DIPK1A: variants seen among roughly 807,000 people sequenced by gnomAD.
The protein encoded by DIPK1A is divergent protein kinase domain 1A.
Under a neutral mutation model 40.8 loss-of-function variants are expected in DIPK1A, and 27 were observed. The observed-to-expected ratio is 0.66, with a 90% CI of 0.49 to 0.91. The LOEUF is 0.91. DIPK1A is among the 40% of genes least tolerant of loss of function. The pLI, the probability that DIPK1A is intolerant of heterozygous loss-of-function variation, is 0.00. For missense variants in DIPK1A, 412 were observed against 505.7 expected (o/e 0.81, Z 1.78); for synonymous variants, 166 against 171.3 (o/e 0.97, Z 0.24).
intron 1 of DIPK1A, among the ~76,000 whole-genome samples, chr1:92,959,929 T>G (rs12184288): frequency 7.6e-6 from 1 of 130,978 alleles, no homozygotes; most frequent in Non-Finnish European, 1.6e-5. Context: ...TTTTTTTTTG[T>G]ATTTTTAGTA....
At chr1:92,841,759 T>C (rs1687374414), downstream of DIPK1A, 1 of 1,600,414 alleles carries the variant, frequency 6.2e-7, no homozygotes, top group Non-Finnish European at 8.5e-7. Flanking sequence ...ATTCCTATCT[T>C]TTGTAGGTGG....
At chr1:92,840,607 AAAG>A (rs1571038275), downstream of DIPK1A, 1 of 1,611,874 alleles carries the variant, frequency 6.2e-7, no homozygotes, top group Non-Finnish European at 8.5e-7. Flanking sequence ...CAGTCTATGA[AAAG>A]AAGCCCAAGA....
chr1:92,862,750 T>G (rs933968991), intron 2 of DIPK1A, among the ~76,000 whole-genome samples: 6 of 152,196 alleles, frequency 3.9e-5, no homozygotes, highest in Non-Finnish European at 8.8e-5. Context: ...AGGTCTGTTA[T>G]GAGTTTGACC....
At position 92,956,967 on chromosome 1, in the gene DIPK1A, C is replaced by A. The variant is rs375632415; in HGVS notation, c.54+4409G>T. Among the ~76,000 whole-genome samples, 248 of 152,256 alleles carry A rather than the reference C, an allele frequency of 1.6e-3. 1 individual carries two copies. The highest frequency in any genetic ancestry group is 6.8e-3 in the Middle Eastern group (2 of 294). On this transcript the variant is annotated intron_variant, in intron 1 of 4. Coordinates refer to ENST00000370310, the MANE Select transcript of DIPK1A (RefSeq NM_001006605.5). ...GACTTCAAATTCCATTAGAACTGCA[C>A]CAACTTTTCATATGCAACAGAACAC... is the stretch of plus-strand genomic sequence containing the variant.
At chr1:92,865,880 A>G (rs1647511379) in intron 2 of DIPK1A, among the ~76,000 whole-genome samples, 1 of 152,242 alleles carries the variant, frequency 6.6e-6, no homozygotes, top group Non-Finnish European at 1.5e-5. Context: ...ATTAATATGC[A>G]CTGTACATAA....
rs1203215621 is a variant in DIPK1A, at chr1:92,850,824, A to C, written c.297+24T>G. On this transcript the variant is annotated intron_variant, in intron 3 of 4. Transcript: ENST00000370310. ...AAATTAGAGTACACTATAATTCTGGAATGTTTATTCATAATGGCCATACCT... is the reference window on the plus strand; with the variant it reads ...AAATTAGAGTACACTATAATTCTGGCATGTTTATTCATAATGGCCATACCT... 2.2e-6 allele frequency: 3 copies of C among 1,381,030 alleles called. No homozygotes were observed. In the South Asian group the frequency reaches 3.9e-5, roughly 18 times the overall value. 85.5% of individuals were successfully genotyped at this position (1,381,030 alleles called of 1,614,324 possible).
intron 1 of DIPK1A, among the ~76,000 whole-genome samples, chr1:92,939,701 C>G (rs1026521047): frequency 6.6e-6 from 1 of 152,150 alleles, no homozygotes; most frequent in Non-Finnish European, 1.5e-5. Flanking sequence ...TGCTTGTAAT[C>G]CCAGCACTTT....
Position 92,844,192 on chromosome 1 carries a change from T to G in DIPK1A, c.478A>C (p.Lys160Gln). 6.5e-7 allele frequency: 1 copy of G among 1,542,368 alleles called. No homozygotes were observed. Among genetic ancestry groups the G allele is most frequent in the Non-Finnish European group, 8.8e-7 (1 of 1,140,852 alleles). ...GAGAGGTTTCCTTGGTCACCCAATT[T>G]TGCCTGTCAAGAATTTGGCTAGTTA... The part of the protein sequence containing the change: ...KEMVYSLFKA[K>Q]LGDQGNLSEL... The change falls in exon 5 of 5, where the codon AAA becomes CAA. Residue 160 changes from lysine (K) to glutamine (Q), a missense_variant. Lys to Gln is a moderately conservative substitution (Grantham distance 53, BLOSUM62 1). Coordinates refer to ENST00000370310, the MANE Select transcript of DIPK1A (RefSeq NM_001006605.5).
At chr1:92,890,620 C>G (rs1375434894) in intron 1 of DIPK1A, among the ~76,000 whole-genome samples, 1 of 152,076 alleles carries the variant, frequency 6.6e-6, no homozygotes, top group Non-Finnish European at 1.5e-5. Context: ...ATCATATTTA[C>G]TGATTTGTGT....
intron 1 of DIPK1A, among the ~76,000 whole-genome samples, chr1:92,891,820 T>A (rs986117355): frequency 6.6e-6 from 1 of 152,174 alleles, no homozygotes; most frequent in African/African-American, 2.4e-5. Context: ...AATACTGCGC[T>A]TTTCCAATGG....
chr1:92,920,533 G>A (rs900610919), intron 1 of DIPK1A, among the ~76,000 whole-genome samples: 11 of 152,334 alleles, frequency 7.2e-5, no homozygotes, highest in African/African-American at 2.6e-4. Context: ...CATGTTCAGA[G>A]TAACCATGGT....
At chr1:92,937,058 C>T (rs1291970354) in intron 1 of DIPK1A, among the ~76,000 whole-genome samples, 1 of 152,154 alleles carries the variant, frequency 6.6e-6, no homozygotes, top group East Asian at 1.9e-4. Flanking sequence ...TAAATTCTTA[C>T]CAGTTTTATG....
At chr1:92,855,797 G>C (rs1284423448) in intron 2 of DIPK1A, among the ~76,000 whole-genome samples, 2 of 151,978 alleles carry the variant, frequency 1.3e-5, no homozygotes, top group Non-Finnish European at 2.9e-5. Flanking sequence ...AAAAAAATCA[G>C]GCCAGGTGTG....
chr1:92,842,124 C>G (rs1687390392), downstream of DIPK1A: 2 of 869,624 alleles, frequency 2.3e-6, no homozygotes, highest in Admixed American at 1.0e-4. Context: ...GAACAGCTCT[C>G]CCTAAAAATT....
rs553068706 is a variant in DIPK1A at position 92,952,490 on chromosome 1, C to T, written c.54+8886G>A. Among the ~76,000 whole-genome samples the T allele has an allele frequency of 3.9e-5, 6 of 152,164 alleles. No homozygotes were observed. In the East Asian group the frequency reaches 9.7e-4, roughly 24 times the overall value. On this transcript the variant is annotated intron_variant, in intron 1 of 4. Coordinates refer to ENST00000370310, the MANE Select transcript of DIPK1A (RefSeq NM_001006605.5). ...CAAAAACTAGCCAGGTGTGGTGGCA[C>T]AGGCCTGTGGGCCCAGCTATTTGGG... is the stretch of plus-strand genomic sequence containing the variant.
chr1:92,904,476 C>T (rs1187021330), intron 1 of DIPK1A, among the ~76,000 whole-genome samples: 1 of 152,042 alleles, frequency 6.6e-6, no homozygotes, highest in East Asian at 1.9e-4. Context: ...AAATACACAG[C>T]ATATACCTAT....
chr1:92,888,137 T>A (rs1008830841), intron 1 of DIPK1A, among the ~76,000 whole-genome samples: 3 of 152,112 alleles, frequency 2.0e-5, no homozygotes, highest in African/African-American at 7.2e-5. Context: ...TTACTTCTCC[T>A]ATCTAGCTGT....
chr1:92,892,878 G>A (rs1047854433), intron 1 of DIPK1A, among the ~76,000 whole-genome samples: 7 of 152,038 alleles, frequency 4.6e-5, no homozygotes, highest in Non-Finnish European at 1.0e-4. Context: ...TAGCCGATTC[G>A]ATCAACTGGA....
At chr1:92,879,336 T>A (rs917013557) in intron 1 of DIPK1A, among the ~76,000 whole-genome samples, 1 of 152,234 alleles carries the variant, frequency 6.6e-6, no homozygotes, top group African/African-American at 2.4e-5. Flanking sequence ...TTTAGTTTTT[T>A]AAGGTGTGAT....
Sources: gnomAD v4.1 joint callset for allele counts (sites outside exome capture counted in the v4.1 genomes callset) on GRCh38, gnomAD v4.1.1 for gene constraint, MANE v1.5 for transcripts, NCBI Gene and HGNC (gene_info 2026-07-23, HGNC 2026-07-21) for gene names.